Variants in SPATS2 observed in about 807,000 individuals in gnomAD.
SPATS2 encodes spermatogenesis-associated serine-rich protein 2.
Under a neutral mutation model 63.7 loss-of-function variants are expected in SPATS2, and 38 were observed. That is an observed-to-expected ratio of 0.60 (90% CI 0.46 to 0.78). The LOEUF (loss-of-function observed/expected upper bound fraction) is 0.78. Ranked by LOEUF, SPATS2 falls within the 30% of genes least tolerant of loss-of-function variation. SPATS2 has a pLI of 0.00. For missense variants in SPATS2, 588 were observed against 666.2 expected (o/e 0.88, Z 1.29); for synonymous variants, 207 against 232.9 (o/e 0.89, Z 1.01).
At chr12:49,474,297 A>C (rs993632200) in intron 3 of SPATS2, among the ~76,000 whole-genome samples, 3 of 152,190 alleles carry the variant, frequency 2.0e-5, no homozygotes, top group Non-Finnish European at 4.4e-5. Context: ...TTGATTATTG[A>C]CTTCTAAGTC....
intron 2 of SPATS2, among the ~76,000 whole-genome samples, chr12:49,420,985 CCA>C (rs1328810536): frequency 6.6e-6 from 1 of 152,150 alleles, no homozygotes; most frequent in African/African-American, 2.4e-5. Context: ...CAAGCCTGGG[CCA>C]CAGAATGAGA....
intron 2 of SPATS2, among the ~76,000 whole-genome samples, chr12:49,424,300 G>C (rs375223857): frequency 1.1e-4 from 16 of 152,136 alleles, no homozygotes; most frequent in Admixed American, 5.9e-4. Flanking sequence ...CATGTAGTCC[G>C]TTCAGCAGCC....
chr12:49,386,196 G>A (rs1049069417), intron 2 of SPATS2, among the ~76,000 whole-genome samples: 8 of 151,502 alleles, frequency 5.3e-5, no homozygotes, highest in Admixed American at 2.0e-4. Flanking sequence ...ACAGAATCTC[G>A]CTCTGTCACC....
At chr12:49,507,386 G>A (rs1485833613) in intron 9 of SPATS2, among the ~76,000 whole-genome samples, 1 of 152,198 alleles carries the variant, frequency 6.6e-6, no homozygotes, top group Admixed American at 6.5e-5. Flanking sequence ...GAAGGGACAC[G>A]TAGGGACCAC....
In SPATS2 at chr12:49,461,030, C is replaced by A. The variant is rs768518552; in HGVS notation, c.18C>A (p.Asn6Lys). The A allele has an allele frequency of 2.5e-6, 4 of 1,613,756 alleles. No homozygotes were observed. The highest frequency in any genetic ancestry group is 3.4e-6 in the Non-Finnish European group (4 of 1,179,886). The change falls in exon 3 of 14, where the codon AAC (asparagine) becomes AAA (lysine). Residue 6 changes from asparagine (N) to lysine (K), a missense_variant. Coordinates refer to ENST00000552918, the MANE Select transcript of SPATS2 (RefSeq NM_023071.4). MSRKQNQKDSSGFIFD... is the reference protein window; with the variant it reads MSRKQKQKDSSGFIFD... ...AAACGACAATGTCCAGGAAACAGAA[C>A]CAGAAGGGTAAGATTACATGTGGGC...
At position 49,490,737 on chromosome 12, in the gene SPATS2, A is replaced by G; in HGVS notation, c.264+6A>G. 1 of 1,613,130 alleles carries G rather than the reference A, an allele frequency of 6.2e-7. No homozygotes were observed. The highest frequency in any genetic ancestry group is 8.5e-7 in the Non-Finnish European group (1 of 1,179,298). On this transcript the variant is annotated splice_donor_region_variant and intron_variant, in intron 6 of 13. Transcript: ENST00000552918. Reference sequence around the variant, plus strand: ...CAGTAACAGGCAAGAAAAAGGTAAAATGAATTACATTTAAAAGCATGATGA... The same window carrying G: ...CAGTAACAGGCAAGAAAAAGGTAAAGTGAATTACATTTAAAAGCATGATGA...
chr12:49,498,145 A>AAAAAAATATATATATAT (rs66900382), intron 8 of SPATS2, among the ~76,000 whole-genome samples: 12 of 98,950 alleles, frequency 1.2e-4, no homozygotes, highest in African/African-American at 4.9e-4. Flanking sequence ...AAAAAAAAAA[A>AAAAAAATATATATATAT]ATATATATAT....
At chr12:49,435,108 G>A (rs2137504725) in intron 2 of SPATS2, among the ~76,000 whole-genome samples, 1 of 140,072 alleles carries the variant, frequency 7.1e-6, no homozygotes, top group South Asian at 2.2e-4. Context: ...TCAGCTCACT[G>A]CAAGCTCCTC....
At chr12:49,442,922 G>GC (rs1187662604) in intron 2 of SPATS2, among the ~76,000 whole-genome samples, 1 of 147,080 alleles carries the variant, frequency 6.8e-6, no homozygotes, top group African/African-American at 2.5e-5. Context: ...TTTCCCTCCA[G>GC]CCCCCAGCAA....
At position 49,497,009 on chromosome 12, in the gene SPATS2, A is replaced by G. The variant is rs765917891; in HGVS notation, c.703A>G (p.Ser235Gly). ...TCCCCTCGCCACCAGTAAAAAGCTA[A>G]GTAAGTCAGAGGCCCACCTGTGAGA... Reference protein sequence around the residue: ...DVPLATSKKLSSNIEKSVKDL... With the variant: ...DVPLATSKKLGSNIEKSVKDL... The change falls in exon 8 of 14, where the codon AGT becomes GGT. Residue 235 changes from serine to glycine, a missense_variant and splice_region_variant. Ser to Gly is a moderately conservative substitution (Grantham distance 56, BLOSUM62 0). Transcript: ENST00000552918. The G allele has an allele frequency of 2.6e-6, 4 of 1,534,900 alleles. No homozygotes were observed. Among genetic ancestry groups the G allele is most frequent in the Non-Finnish European group, 3.5e-6 (4 of 1,144,284 alleles).
chr12:49,453,333 A>G (rs922398703), intron 2 of SPATS2, among the ~76,000 whole-genome samples: 3 of 151,924 alleles, frequency 2.0e-5, no homozygotes, highest in African/African-American at 4.8e-5. Flanking sequence ...TTTAGCTACT[A>G]TATTGTAGCA....
chr12:49,500,504 G>A (rs796073334), intron 9 of SPATS2, among the ~76,000 whole-genome samples: 19 of 152,260 alleles, frequency 1.2e-4, no homozygotes, highest in African/African-American at 4.6e-4. Context: ...CCGGTGCGGT[G>A]GCTCAAGCCT....
Position 49,494,986 on chromosome 12 carries a change from T to C in SPATS2, c.510T>C (p.Asp170=). The change falls in exon 7 of 14, where the codon GAT becomes GAC. Residue 170 remains aspartate (D), a synonymous_variant. Coordinates refer to ENST00000552918, the MANE Select transcript of SPATS2 (RefSeq NM_023071.4). ...AGGATCCCGAGTCTGCCATGCTAGATACGCTGGATAGAACAGGTGAGTTTA... is the reference window on the plus strand; with the variant it reads ...AGGATCCCGAGTCTGCCATGCTAGACACGCTGGATAGAACAGGTGAGTTTA... ...ELEDPESAML[D]TLDRTGSMLQ... is the part of the protein sequence containing the mutation. The C allele has an allele frequency of 6.2e-7, 1 of 1,610,964 alleles. No individual in the cohort carries two copies. Among genetic ancestry groups the C allele is most frequent in the Non-Finnish European group, 8.5e-7 (1 of 1,178,568 alleles).
chr12:49,491,406 A>G (rs1946380283), intron 6 of SPATS2, among the ~76,000 whole-genome samples: 1 of 152,092 alleles, frequency 6.6e-6, no homozygotes, highest in Admixed American at 6.6e-5. Context: ...GATATTAATG[A>G]GCTTTGACAT....
At chr12:49,388,570 T>G (rs1343372946) in intron 2 of SPATS2, among the ~76,000 whole-genome samples, 1 of 151,904 alleles carries the variant, frequency 6.6e-6, no homozygotes, top group African/African-American at 2.4e-5. Flanking sequence ...TATATGGGGT[T>G]TTACCATGTT....
intron 3 of SPATS2, among the ~76,000 whole-genome samples, chr12:49,481,502 C>G (rs1456140528): frequency 9.1e-6 from 1 of 109,870 alleles, no homozygotes; most frequent in African/African-American, 3.6e-5. Flanking sequence ...GAGTCTTGCT[C>G]TGTCGCCCAG....
intron 2 of SPATS2, among the ~76,000 whole-genome samples, chr12:49,409,105 A>G (rs1163652898): frequency 6.6e-6 from 1 of 152,174 alleles, no homozygotes; most frequent in Non-Finnish European, 1.5e-5. Flanking sequence ...TATTCCAGGT[A>G]CTTCTAATGG....
intron 3 of SPATS2, among the ~76,000 whole-genome samples, chr12:49,480,609 A>G (rs1009063477): frequency 1.3e-5 from 2 of 152,242 alleles, no homozygotes; most frequent in African/African-American, 4.8e-5. Flanking sequence ...CCTCTTAGAG[A>G]CCTTGGTGAC....
intron 9 of SPATS2, among the ~76,000 whole-genome samples, chr12:49,511,431 C>T (rs1032366274): frequency 9.9e-5 from 15 of 151,878 alleles, no homozygotes; most frequent in African/African-American, 2.9e-4. Flanking sequence ...AGGTTCCCAG[C>T]AATATTTAGC....
Sources: gnomAD v4.1 joint callset for allele counts (sites outside exome capture counted in the v4.1 genomes callset) on GRCh38, gnomAD v4.1.1 for gene constraint, MANE v1.5 for transcripts, NCBI Gene and HGNC (gene_info 2026-07-23, HGNC 2026-07-21) for gene names.